NELL2: variants seen among roughly 807,000 people sequenced by gnomAD.
NELL2 encodes the protein neural EGFL like 2.
Under a neutral mutation model 109.6 loss-of-function variants are expected in NELL2, and 41 were observed. The observed-to-expected ratio is 0.37, with a 90% CI of 0.29 to 0.49. The LOEUF is 0.49. Among genes scored for constraint, NELL2 ranks in the 20% least tolerant of loss-of-function variants. The pLI is 0.98. For synonymous variants in NELL2, 355 were observed against 344.7 expected, an observed-to-expected ratio of 1.03 and a Z score of -0.33; for missense variants, 900 against 1,008.3, an observed-to-expected ratio of 0.89 and a Z score of 1.45.
intron 3 of NELL2, among the ~76,000 whole-genome samples, chr12:44,814,534 G>A (rs1447649267): frequency 6.6e-6 from 1 of 152,006 alleles, no homozygotes; most frequent in Admixed American, 6.5e-5. Context: ...ACAGACTGAA[G>A]GGAATAGCCC....
intron 9 of NELL2, among the ~76,000 whole-genome samples, chr12:44,738,266 T>A (rs901297771): frequency 1.3e-5 from 2 of 152,106 alleles, no homozygotes; most frequent in Non-Finnish European, 2.9e-5. Context: ...AATAAAAGTG[T>A]CATCAGAACA....
At chr12:44,883,937 G>A (rs1030717473) in intron 1 of NELL2, among the ~76,000 whole-genome samples, 3 of 151,676 alleles carry the variant, frequency 2.0e-5, no homozygotes. Context: ...AGAACAAAGG[G>A]AAACAATAAA....
At chr12:44,701,733 A>C (rs1169583196) in intron 12 of NELL2, among the ~76,000 whole-genome samples, 3 of 152,086 alleles carry the variant, frequency 2.0e-5, no homozygotes, top group Non-Finnish European at 4.4e-5. Flanking sequence ...GGCCATCAAC[A>C]TCTTTACCTG....
At chr12:44,908,421 G>T (rs1039323202) in intron 1 of NELL2, among the ~76,000 whole-genome samples, 4 of 151,926 alleles carry the variant, frequency 2.6e-5, no homozygotes, top group Admixed American at 6.6e-5. Flanking sequence ...AAACTGGAAA[G>T]ATAAGAGTTT....
At chr12:44,611,384 G>T (rs908216364) in intron 13 of NELL2, among the ~76,000 whole-genome samples, 2 of 152,022 alleles carry the variant, frequency 1.3e-5, no homozygotes, top group Admixed American at 1.3e-4. Context: ...GTCATGACCT[G>T]TAGGATAATA....
intron 3 of NELL2, among the ~76,000 whole-genome samples, chr12:44,784,094 C>T (rs779890800): frequency 5.3e-5 from 8 of 152,032 alleles, no homozygotes; most frequent in Non-Finnish European, 1.2e-4. Context: ...GCAGAAAAAG[C>T]ATTTGACAAA....
Position 44,779,716 on chromosome 12 carries a change from G to A in NELL2, c.553C>T (p.Leu185=), listed in dbSNP as rs778300485. ...TGTCCTAGCCAAAATGTTGTGCCTA[G>A]AGGCAAGTCTGTGGAGGGCTTTTCT... ...VVEKPSTDLP[L]GTTFWLGQRN... Residue 185 remains leucine, a synonymous_variant, in exon 5 of 20, where the codon CTA becomes TTA. Coordinates refer to ENST00000429094, the MANE Select transcript of NELL2 (RefSeq NM_001145108.2). 6.2e-7 allele frequency: 1 copy of A among 1,613,962 alleles called. No homozygotes were observed. Among genetic ancestry groups the A allele is most frequent in the Non-Finnish European group, 8.5e-7 (1 of 1,179,902 alleles).
chr12:44,701,620 T>C (rs1949233280), intron 12 of NELL2, among the ~76,000 whole-genome samples: 1 of 152,146 alleles, frequency 6.6e-6, no homozygotes, highest in African/African-American at 2.4e-5. Flanking sequence ...TTTGATCAAT[T>C]CTACACCACA....
chr12:44,669,780 A>C (rs866912484), intron 12 of NELL2, among the ~76,000 whole-genome samples: 1 of 152,162 alleles, frequency 6.6e-6, no homozygotes, highest in Non-Finnish European at 1.5e-5. Flanking sequence ...CTATATAGTA[A>C]CTAAAATTTG....
At chr12:44,801,756 A>T (rs1387103347) in intron 3 of NELL2, among the ~76,000 whole-genome samples, 1 of 152,144 alleles carries the variant, frequency 6.6e-6, no homozygotes, top group Non-Finnish European at 1.5e-5. Flanking sequence ...CAATGAAGGG[A>T]AAACACTTCC....
chr12:44,612,663 A>C (rs1945663850), intron 13 of NELL2, among the ~76,000 whole-genome samples: 1 of 151,776 alleles, frequency 6.6e-6, no homozygotes, highest in African/African-American at 2.4e-5. Context: ...CTGAAGCAAA[A>C]TAAATCTACA....
In NELL2 at chr12:44,633,419, A is replaced by G. The variant is rs890406605; in HGVS notation, c.1445-22449T>C. Reference sequence around the variant, plus strand: ...TCATACTACAAAATGTGAAATCCATAGAACCCCCTTTACCCAGTATGATTT... The same window carrying G: ...TCATACTACAAAATGTGAAATCCATGGAACCCCCTTTACCCAGTATGATTT... On this transcript the variant is annotated intron_variant, in intron 13 of 19. Transcript: ENST00000429094. 4.6e-5 allele frequency among the ~76,000 whole-genome samples: 7 copies of G among 152,246 alleles called. No individual in the cohort carries two copies. In the South Asian group the frequency reaches 1.4e-3, roughly 32 times the overall value.
At position 44,875,251 on chromosome 12, in the gene NELL2, T is replaced by C. The variant is rs372522341; in HGVS notation, c.158A>G (p.Asn53Ser). 49 of 1,613,752 alleles carry C rather than the reference T, an allele frequency of 3.0e-5. No individual in the cohort carries two copies. The highest frequency in any genetic ancestry group is 3.7e-5 in the Non-Finnish European group (44 of 1,179,922). ...TTGAAAGAGAAAGGCTTTCGTCCCA[T>C]TATGCAGCCCCGGGACCTGACGCAC... is the stretch of plus-strand genomic sequence containing the variant. ...TGVRQVPGLH[N>S]GTKAFLFQDT... The change falls in exon 2 of 20, where the codon AAT becomes AGT. Residue 53 changes from asparagine to serine, a missense_variant. Transcript: ENST00000429094.
intron 15 of NELL2, among the ~76,000 whole-genome samples, chr12:44,601,032 G>A (rs1485645293): frequency 1.3e-5 from 2 of 152,020 alleles, no homozygotes; most frequent in East Asian, 3.8e-4. Flanking sequence ...ATACAAAAAT[G>A]ATCTATTGAA....
At chr12:44,786,804 C>T (rs537086727) in intron 3 of NELL2, among the ~76,000 whole-genome samples, 1 of 152,224 alleles carries the variant, frequency 6.6e-6, no homozygotes, top group East Asian at 1.9e-4. Flanking sequence ...CATTGTCTCA[C>T]TCATAAGTGG....
At chr12:44,799,189 A>C (rs1942743024) in intron 3 of NELL2, among the ~76,000 whole-genome samples, 1 of 151,864 alleles carries the variant, frequency 6.6e-6, no homozygotes, top group Non-Finnish European at 1.5e-5. Context: ...TGATCTCCTG[A>C]CCTCGTGTTC....
At chr12:44,814,058 G>A (rs1464542209) in intron 3 of NELL2, among the ~76,000 whole-genome samples, 1 of 152,142 alleles carries the variant, frequency 6.6e-6, no homozygotes, top group Non-Finnish European at 1.5e-5. Flanking sequence ...TAAGGTGTTC[G>A]ACCCTGGGAA....
At chr12:44,671,159 C>T (rs1395782018) in intron 12 of NELL2, among the ~76,000 whole-genome samples, 1 of 152,078 alleles carries the variant, frequency 6.6e-6, no homozygotes, top group African/African-American at 2.4e-5. Flanking sequence ...TGTACAAATA[C>T]ATGGAAATTA....
intron 1 of NELL2, among the ~76,000 whole-genome samples, chr12:44,889,737 C>A (rs1231671012): frequency 6.6e-6 from 1 of 150,714 alleles, no homozygotes; most frequent in East Asian, 1.9e-4. Flanking sequence ...TTAAAAATTC[C>A]ATTTTCAAAG....
Sources: gnomAD v4.1 joint callset for allele counts (sites outside exome capture counted in the v4.1 genomes callset) on GRCh38, gnomAD v4.1.1 for gene constraint, MANE v1.5 for transcripts, NCBI Gene and HGNC (gene_info 2026-07-23, HGNC 2026-07-21) for gene names.